The following NBR1 variants were observed in gnomAD, a reference collection of about 807,000 sequenced individuals.
NBR1 encodes the protein NBR1 autophagy cargo receptor, also known as next to BRCA1 gene 1 protein.
A neutral mutation model predicts 115.5 loss-of-function variants in NBR1; 59 were observed. The ratio of observed to expected loss-of-function variants is 0.51; its 90% CI spans 0.41 to 0.63. NBR1 has a LOEUF of 0.63. NBR1 is among the 30% of genes least tolerant of loss of function. NBR1 has a pLI of 0.00. For missense variants in NBR1, 1,043 were observed against 1,150.5 expected (o/e 0.91, Z 1.35); for synonymous variants, 373 against 414.7 (o/e 0.90, Z 1.22).
At chr17:43,182,819 AG>A in intron 5 of NBR1, among the ~76,000 whole-genome samples, 2 of 151,172 alleles carry the variant, frequency 1.3e-5, no homozygotes, top group Middle Eastern at 6.8e-3. Flanking sequence ...GCTGGAGTAC[AG>A]TGGTGCGATC....
At chr17:43,179,450 A>G (rs753694524) in intron 4 of NBR1, 38 bp downstream of exon 4, 1 of 1,584,920 alleles carries the variant, frequency 6.3e-7, no homozygotes, top group Non-Finnish European at 8.7e-7. Context: ...CTTGTTTAAA[A>G]ACCTTAATCT....
intron 12 of NBR1, 126 bp from the exon 13 acceptor site, chr17:43,194,224 A>G: frequency 1.1e-6 from 1 of 901,048 alleles, no homozygotes; most frequent in Non-Finnish European, 1.7e-6. Flanking sequence ...CTGTAAAAAT[A>G]TATCAAAAAC....
intron 20 of NBR1, 147 bp from the exon 21 acceptor site, chr17:43,209,754 G>C: frequency 2.0e-6 from 3 of 1,499,560 alleles, no homozygotes; most frequent in East Asian, 2.5e-5. Flanking sequence ...GTACACAGGA[G>C]TGCCATAGCC....
chr17:43,201,337 A>C (rs1041704674), intron 17 of NBR1, among the ~76,000 whole-genome samples: 7 of 152,228 alleles, frequency 4.6e-5, no homozygotes, highest in African/African-American at 1.7e-4. Context: ...TCTCTGGTGA[A>C]TCTATCTGAA....
chr17:43,202,962 C>T (rs1487017889), intron 19 of NBR1, among the ~76,000 whole-genome samples: 1 of 152,062 alleles, frequency 6.6e-6, no homozygotes, highest in East Asian at 1.9e-4. Flanking sequence ...TCAAGATCAG[C>T]CTGGCCAACA....
chr17:43,193,358 T>C lies in NBR1; in HGVS notation c.1244T>C (p.Met415Thr). Reference sequence around the variant, plus strand: ...TACTGTTCTTTTCAGCTCAAGTTCATGTGGGGAAACCTGACTTTGGCTTCC... The same window carrying C: ...TACTGTTCTTTTCAGCTCAAGTTCACGTGGGGAAACCTGACTTTGGCTTCC... ...KWSADTKLKF[M>T]WGNLTLASTE... Residue 415 changes from methionine to threonine, a missense_variant, in exon 12 of 21, where the codon ATG (methionine) becomes ACG (threonine). Transcript: ENST00000590996. The C allele has an allele frequency of 1.2e-6, 2 of 1,613,734 alleles. No homozygotes were observed. The highest frequency in any genetic ancestry group is 1.7e-6 in the Non-Finnish European group (2 of 1,179,656).
intron 16 of NBR1, among the ~76,000 whole-genome samples, chr17:43,199,121 G>A (rs1041671579): frequency 5.4e-5 from 8 of 149,170 alleles, no homozygotes; most frequent in East Asian, 3.9e-4. Context: ...GGTCTCACTC[G>A]CCCAGGCTAA....
chr17:43,179,890 A>G (rs954007230), intron 4 of NBR1, among the ~76,000 whole-genome samples: 1 of 104,338 alleles, frequency 9.6e-6, no homozygotes, highest in African/African-American at 3.1e-5. Flanking sequence ...TGATAGTATT[A>G]ACATTGAACT....
intron 19 of NBR1, 68 bp downstream of exon 19, chr17:43,202,780 G>T: frequency 7.7e-7 from 1 of 1,293,546 alleles, no homozygotes. Context: ...CTGCTTAAAA[G>T]AGCCTCTCAC....
Position 43,191,404 on chromosome 17 carries a change from A to C in NBR1, c.896A>C (p.Lys299Thr). ...LQKQVDKNFL[K>T]AEKQRLRAEK... ...AAACAGGTTGATAAGAACTTTCTTA[A>C]AGCAGAAAAGCAAAGGTTGCGAGCT... Residue 299 changes from lysine (K) to threonine (T), a missense_variant, in exon 10 of 21, where the codon AAA becomes ACA. Transcript: ENST00000590996. 1 of 1,613,452 alleles carries C rather than the reference A, an allele frequency of 6.2e-7. No individual in the cohort carries two copies. The highest frequency in any genetic ancestry group is 8.5e-7 in the Non-Finnish European group (1 of 1,179,614).
chr17:43,186,136 TC>T, intron 5 of NBR1, 113 bp from the exon 6 acceptor site: 1 of 854,226 alleles, frequency 1.2e-6, no homozygotes, highest in Non-Finnish European at 1.8e-6. Flanking sequence ...CAAACACAAA[TC>T]CTAGTATTTT....
rs568703385 is a variant in NBR1, at chr17:43,204,708, G to A, written c.2727+922G>A. Among the ~76,000 whole-genome samples the A allele has an allele frequency of 4.0e-3, 606 of 151,586 alleles. 4 individuals carry two copies. The highest frequency in any genetic ancestry group is 0.01 in the Middle Eastern group (3 of 294). On this transcript the variant is annotated intron_variant, in intron 20 of 20. Coordinates refer to ENST00000590996, the MANE Select transcript of NBR1 (RefSeq NM_005899.5). ...CAGGCACCTGTAGTCCCAGCTACTC[G>A]GGAGGCTGAGGCAGGAGAATTGCTT... is the stretch of plus-strand genomic sequence containing the variant.
At chr17:43,209,606 TC>T in intron 20 of NBR1, 1 of 1,535,592 alleles carries the variant, frequency 6.5e-7, no homozygotes, top group Non-Finnish European at 8.7e-7. Context: ...AAATGCTTCT[TC>T]CTGAAAGCCC....
rs1392928928 is a variant in NBR1, at chr17:43,200,299, A to C, written c.2159A>C (p.Glu720Ala). Reference protein sequence around the residue: ...DEEEEDELKDEVQSQSSASSE... With the variant: ...DEEEEDELKDAVQSQSSASSE... ...GAGGAGGAGGATGAGCTCAAAGATG[A>C]AGTTCAAAGTCAGTCCTCTGCTTCC... Residue 720 changes from glutamate to alanine, a missense_variant, in exon 17 of 21, where the codon GAA (glutamate) becomes GCA (alanine). Physicochemically the swap from Glu to Ala is moderately radical, Grantham distance 107. Transcript: ENST00000590996. 1.3e-6 allele frequency: 2 copies of C among 1,552,060 alleles called. No individual in the cohort carries two copies. The highest frequency in any genetic ancestry group is 1.7e-6 in the Non-Finnish European group (2 of 1,147,098).
At chr17:43,189,556 G>GT (rs748013832) in intron 7 of NBR1, 32 bp from the exon 8 acceptor site, 5 of 1,552,560 alleles carry the variant, frequency 3.2e-6, no homozygotes, top group African/African-American at 1.4e-5. Context: ...TTGGAACTGA[G>GT]TTTTTTCCCT....
rs767726596 is a variant in NBR1 at position 43,179,425 on chromosome 17, G to A, written c.184+13G>A. On this transcript the variant is annotated intron_variant, in intron 4 of 20. Coordinates refer to ENST00000590996, the MANE Select transcript of NBR1 (RefSeq NM_005899.5). Reference sequence around the variant, plus strand: ...ATCAACAGTCAAGGTGAGTCCCTAAGAGAGTCTGTTCAGCCTTGTTTAAAA... The same window carrying A: ...ATCAACAGTCAAGGTGAGTCCCTAAAAGAGTCTGTTCAGCCTTGTTTAAAA... The A allele has an allele frequency of 3.1e-6, 5 of 1,611,912 alleles. No individual in the cohort carries two copies. Among genetic ancestry groups the A allele is most frequent in the African/African-American group, 1.3e-5 (1 of 74,872 alleles).
chr17:43,209,489 C>A, intron 20 of NBR1: 3 of 1,279,738 alleles, frequency 2.3e-6, no homozygotes, highest in Non-Finnish European at 3.3e-6. Flanking sequence ...TTTCCCATAG[C>A]ATCTTTCAGT....
chr17:43,191,492 A>G lies in NBR1; in HGVS notation c.984A>G (p.Lys328=). Residue 328 remains lysine, a synonymous_variant, in exon 10 of 21, where the codon AAA becomes AAG. Coordinates refer to ENST00000590996, the MANE Select transcript of NBR1 (RefSeq NM_005899.5). Reference sequence around the variant, plus strand: ...AAAAGCAGCTTAAACTCCATAGGAAAATTCACCTGTGGAATTCAATCCATG... The same window carrying G: ...AAAAGCAGCTTAAACTCCATAGGAAGATTCACCTGTGGAATTCAATCCATG... ...ELKKQLKLHR[K]IHLWNSIHGL... 1 of 1,613,370 alleles carries G rather than the reference A, an allele frequency of 6.2e-7. No homozygotes were observed. The highest frequency in any genetic ancestry group is 8.5e-7 in the Non-Finnish European group (1 of 1,179,634).
At chr17:43,186,852 TC>T (rs1272492043) in intron 6 of NBR1, among the ~76,000 whole-genome samples, 2 of 152,208 alleles carry the variant, frequency 1.3e-5, no homozygotes, top group African/African-American at 2.4e-5. Flanking sequence ...CATGAACTCA[TC>T]CTTTTTTATG....
Sources: allele counts gnomAD v4.1 joint callset (sites outside exome capture counted in the v4.1 genomes callset), GRCh38; gene constraint gnomAD v4.1.1; transcripts MANE v1.5; gene names NCBI Gene and HGNC (gene_info 2026-07-23, HGNC 2026-07-21).